KIAA1328: variants seen among roughly 807,000 people sequenced by gnomAD.
KIAA1328 encodes the protein protein hinderin.
KIAA1328 carries 52 observed loss-of-function variants against 68.1 expected under a neutral mutation model. That is an observed-to-expected ratio of 0.76 (90% CI 0.61 to 0.96). The LOEUF is 0.96. Ranked by LOEUF, KIAA1328 falls within the 40% of genes least tolerant of loss-of-function variation. The pLI is 0.00. For synonymous variants in KIAA1328, 232 were observed against 239.4 expected (o/e 0.97, Z 0.28); for missense variants, 641 against 677.6 (o/e 0.95, Z 0.60).
chr18:37,138,725 A>C (rs2058699090), intron 7 of KIAA1328, among the ~76,000 whole-genome samples: 1 of 152,006 alleles, frequency 6.6e-6, no homozygotes, highest in African/African-American at 2.4e-5. Context: ...CACATTATGT[A>C]TTCATTGTTT....
At chr18:36,957,766 T>C (rs1304066832) in intron 5 of KIAA1328, among the ~76,000 whole-genome samples, 1 of 152,194 alleles carries the variant, frequency 6.6e-6, no homozygotes, top group East Asian at 1.9e-4. Flanking sequence ...GTGTTATTAC[T>C]TGTACCCCAT....
chr18:37,191,140 T>C (rs963872484), intron 9 of KIAA1328, among the ~76,000 whole-genome samples: 1 of 152,188 alleles, frequency 6.6e-6, no homozygotes, highest in African/African-American at 2.4e-5. Context: ...ATTCCCTTCC[T>C]CCCTGTCTGC....
chr18:37,056,669 G>T (rs1484893193), intron 6 of KIAA1328, among the ~76,000 whole-genome samples: 1 of 151,284 alleles, frequency 6.6e-6, no homozygotes, highest in Non-Finnish European at 1.5e-5. Context: ...TCTTTTTTTT[G>T]AAATGGAGTC....
chr18:36,830,851 T>G (rs547570862), intron 1 of KIAA1328, among the ~76,000 whole-genome samples: 1 of 152,346 alleles, frequency 6.6e-6, no homozygotes, highest in Admixed American at 6.5e-5. Context: ...AAGATCTAAT[T>G]CAGATGTATG....
intron 4 of KIAA1328, among the ~76,000 whole-genome samples, chr18:36,879,751 G>A (rs529094887): frequency 1.3e-5 from 2 of 152,322 alleles, no homozygotes; most frequent in South Asian, 4.1e-4. Flanking sequence ...TAGAGAGGCA[G>A]TCTGGCTACA....
At chr18:37,127,259 ATC>A (rs1396192472) in intron 7 of KIAA1328, among the ~76,000 whole-genome samples, 3 of 152,238 alleles carry the variant, frequency 2.0e-5, no homozygotes, top group Non-Finnish European at 2.9e-5. Context: ...AATGAATTTT[ATC>A]TCTCTGTCCT....
intron 5 of KIAA1328, among the ~76,000 whole-genome samples, chr18:36,949,600 C>CT (rs1337716928): frequency 2.8e-5 from 3 of 108,618 alleles, no homozygotes; most frequent in Admixed American, 9.9e-5. Context: ...ACCCAGCTCC[C>CT]CCCCCCCCAC....
At chr18:36,967,411 T>C (rs1396903580) in intron 6 of KIAA1328, among the ~76,000 whole-genome samples, 1 of 152,250 alleles carries the variant, frequency 6.6e-6, no homozygotes, top group Non-Finnish European at 1.5e-5. Flanking sequence ...ACAGCTCAGC[T>C]GACAACCTGG....
chr18:36,835,711 T>C (rs1372362402), intron 3 of KIAA1328, among the ~76,000 whole-genome samples: 3 of 152,220 alleles, frequency 2.0e-5, no homozygotes, highest in Non-Finnish European at 4.4e-5. Flanking sequence ...TTTTTGATTT[T>C]TATTCTTGTG....
chr18:36,919,126 T>TTTA (rs1214395700), intron 5 of KIAA1328, among the ~76,000 whole-genome samples: 2 of 152,176 alleles, frequency 1.3e-5, no homozygotes, highest in African/African-American at 4.8e-5. Flanking sequence ...GTTTTATTCC[T>TTTA]TTATTATTAT....
At chr18:36,948,419 G>A (rs923156431) in intron 5 of KIAA1328, among the ~76,000 whole-genome samples, 14 of 151,040 alleles carry the variant, frequency 9.3e-5, no homozygotes, top group Non-Finnish European at 1.9e-4. Flanking sequence ...GCGCCACCAC[G>A]CCTGGCTAAT....
intron 7 of KIAA1328, among the ~76,000 whole-genome samples, chr18:37,139,210 G>T (rs746413373): frequency 2.6e-5 from 4 of 151,918 alleles, no homozygotes; most frequent in African/African-American, 9.7e-5. Context: ...TGATCTGCCC[G>T]CCTCGGCCTC....
chr18:37,161,188 TG>T (rs1483658370), intron 8 of KIAA1328, among the ~76,000 whole-genome samples: 1 of 152,194 alleles, frequency 6.6e-6, no homozygotes, highest in African/African-American at 2.4e-5. Flanking sequence ...GTTTTCCTAC[TG>T]GGCCAGCACC....
At chr18:37,040,675 T>A (rs2055209607) in intron 6 of KIAA1328, among the ~76,000 whole-genome samples, 1 of 151,822 alleles carries the variant, frequency 6.6e-6, no homozygotes, top group Non-Finnish European at 1.5e-5. Flanking sequence ...TTTTTTTCCT[T>A]TTCTGATATA....
At chr18:36,982,358 A>C (rs2052728481) in intron 6 of KIAA1328, among the ~76,000 whole-genome samples, 1 of 151,400 alleles carries the variant, frequency 6.6e-6, no homozygotes, top group African/African-American at 2.4e-5. Flanking sequence ...AAATTGCTTG[A>C]AATCAGTGAT....
intron 6 of KIAA1328, among the ~76,000 whole-genome samples, chr18:36,970,033 A>G (rs1476831604): frequency 1.3e-5 from 2 of 152,200 alleles, no homozygotes; most frequent in East Asian, 3.9e-4. Context: ...AATATCCCCA[A>G]TGAACATTGA....
At chr18:37,075,596 T>C (rs2056697624) in intron 7 of KIAA1328, 1 of 152,102 alleles carries the variant, frequency 6.6e-6, no homozygotes, top group African/African-American at 2.4e-5. Flanking sequence ...CCATCTCACA[T>C]GCAGAGACAC....
rs1406673401 is a variant in KIAA1328, at chr18:36,829,148, G to A, written c.10G>A (p.Val4Met). MAD[V>M]AGPSRPSAAA... is the part of the protein sequence containing the mutation. ...TGGCGGTTGTTTCAAGATGGCGGAC[G>A]TGGCGGGCCCCTCCCGCCCCAGTGC... The change falls in exon 1 of 10, where the codon GTG (valine) becomes ATG (methionine). Residue 4 changes from valine (V) to methionine (M), a missense_variant. By Grantham distance (21) the Val-to-Met change is conservative (BLOSUM62 1). Coordinates refer to ENST00000280020, the MANE Select transcript of KIAA1328 (RefSeq NM_020776.3). The A allele has an allele frequency of 2.0e-6, 3 of 1,533,936 alleles. No individual in the cohort carries two copies. The highest frequency in any genetic ancestry group is 1.4e-5 in the African/African-American group (1 of 71,014).
At chr18:37,035,831 A>G (rs2055004457) in intron 6 of KIAA1328, among the ~76,000 whole-genome samples, 2 of 152,226 alleles carry the variant, frequency 1.3e-5, no homozygotes, top group Non-Finnish European at 1.5e-5. Context: ...TTATAAAACC[A>G]GTTTGAAATG....
Sources: allele counts gnomAD v4.1 joint callset (sites outside exome capture counted in the v4.1 genomes callset), GRCh38; gene constraint gnomAD v4.1.1; transcripts MANE v1.5; gene names NCBI Gene and HGNC (gene_info 2026-07-23, HGNC 2026-07-21).